TSPAN9: variants seen among roughly 807,000 people sequenced by gnomAD.
TSPAN9 encodes the protein tetraspanin 9.
Under a neutral mutation model 31.0 loss-of-function variants are expected in TSPAN9, and 16 were observed. That is an observed-to-expected ratio of 0.52 (90% CI 0.35 to 0.78). TSPAN9 has a LOEUF of 0.78. Among genes scored for constraint, TSPAN9 ranks in the 30% least tolerant of loss-of-function variants. The pLI, the probability that TSPAN9 is intolerant of heterozygous loss-of-function variation, is 0.01. For synonymous variants in TSPAN9, 145 were observed against 121.6 expected (o/e 1.19, Z -1.27); for missense variants, 272 against 312.5 (o/e 0.87, Z 0.98).
chr12:3,092,027 A>T (rs778056921), intron 2 of TSPAN9, among the ~76,000 whole-genome samples: 1 of 152,222 alleles, frequency 6.6e-6, no homozygotes, highest in African/African-American at 2.4e-5. Context: ...AAAACATGCA[A>T]TGCTGACTGT....
intron 2 of TSPAN9, among the ~76,000 whole-genome samples, chr12:3,193,994 C>T (rs2098365827): frequency 6.6e-6 from 1 of 152,206 alleles, no homozygotes; most frequent in Admixed American, 6.5e-5. Flanking sequence ...CTTGGATAGC[C>T]TGCTTTCCAG....
chr12:3,253,441 A>G (rs1862289765), intron 3 of TSPAN9, among the ~76,000 whole-genome samples: 4 of 152,276 alleles, frequency 2.6e-5, no homozygotes, highest in African/African-American at 9.6e-5. Flanking sequence ...TCATCTGTGA[A>G]TGGGGGTGAC....
intron 3 of TSPAN9, among the ~76,000 whole-genome samples, chr12:3,223,074 A>T (rs563860870): frequency 6.6e-6 from 1 of 152,332 alleles, no homozygotes; most frequent in Non-Finnish European, 1.5e-5. Context: ...ACTCCCCATT[A>T]GCATGCATCA....
chr12:3,251,121 T>C lies in TSPAN9; in HGVS notation c.64-27300T>C, dbSNP rs181937366. On this transcript the variant is annotated intron_variant, in intron 3 of 8. Transcript: ENST00000011898. ...TCTGAAGGATTTCAGTTGGTGACTTTGTGGCACTGTGGGCTACTTAGAAGT... is the reference window on the plus strand; with the variant it reads ...TCTGAAGGATTTCAGTTGGTGACTTCGTGGCACTGTGGGCTACTTAGAAGT... Among the ~76,000 whole-genome samples, 7 of 152,366 alleles carry C rather than the reference T, an allele frequency of 4.6e-5. No homozygotes were observed. In the East Asian group the frequency reaches 1.3e-3, roughly 29 times the overall value.
intron 1 of TSPAN9, among the ~76,000 whole-genome samples, chr12:3,080,759 C>T (rs2098297456): frequency 6.6e-6 from 1 of 152,220 alleles, no homozygotes. Context: ...CTTTAATATT[C>T]TTGAAACAAC....
At chr12:3,160,762 CTTTG>C (rs1415429357) in intron 2 of TSPAN9, among the ~76,000 whole-genome samples, 3 of 152,088 alleles carry the variant, frequency 2.0e-5, no homozygotes, top group South Asian at 2.1e-4. Flanking sequence ...TATTCATATA[CTTTG>C]TTTATTTTAA....
At chr12:3,269,367 TGTTCCTGCAGCCTGCCCTCCGTGC>T (rs1304672137) in intron 3 of TSPAN9, among the ~76,000 whole-genome samples, 907 of 69,720 alleles carry the variant, frequency 0.013, 153 homozygotes, top group South Asian at 0.022. Context: ...GCCCTCCCTG[TGTTCCTGCAGCCTGCCCTCCGTGC>T]GTTCCTGCAG....
chr12:3,214,871 G>A (rs907387835), intron 3 of TSPAN9, among the ~76,000 whole-genome samples: 10 of 151,960 alleles, frequency 6.6e-5, no homozygotes, highest in African/African-American at 1.7e-4. Context: ...TAGGAAGAGC[G>A]TTCTTGTTTC....
intron 3 of TSPAN9, among the ~76,000 whole-genome samples, chr12:3,211,418 G>A (rs1268930962): frequency 1.3e-5 from 2 of 152,002 alleles, no homozygotes; most frequent in Non-Finnish European, 2.9e-5. Flanking sequence ...TTCCTCTTAC[G>A]CTTTTTCAAG....
At chr12:3,191,973 G>C (rs879257153) in intron 2 of TSPAN9, among the ~76,000 whole-genome samples, 13 of 152,188 alleles carry the variant, frequency 8.5e-5, no homozygotes, top group Non-Finnish European at 1.6e-4. Flanking sequence ...ATTCACAAGA[G>C]CTCAGGGGTG....
chr12:3,199,723 G>A (rs975555033), intron 2 of TSPAN9, among the ~76,000 whole-genome samples: 7 of 152,144 alleles, frequency 4.6e-5, no homozygotes, highest in Non-Finnish European at 7.4e-5. Flanking sequence ...CCTTGTGTGC[G>A]CGCCCGTGCG....
intron 3 of TSPAN9, among the ~76,000 whole-genome samples, chr12:3,254,374 A>C (rs948771429): frequency 2.6e-5 from 4 of 152,186 alleles, no homozygotes; most frequent in Non-Finnish European, 5.9e-5. Context: ...AGAGGTGAGA[A>C]GCGAGGGAGA....
intron 2 of TSPAN9, among the ~76,000 whole-genome samples, chr12:3,091,788 A>G (rs2098304809): frequency 1.3e-5 from 2 of 152,210 alleles, no homozygotes; most frequent in Admixed American, 1.3e-4. Context: ...CTGTGAAAGC[A>G]TTCTGCACCT....
chr12:3,269,621 G>A (rs999337488), intron 3 of TSPAN9, among the ~76,000 whole-genome samples: 3 of 151,680 alleles, frequency 2.0e-5, no homozygotes, highest in Non-Finnish European at 1.5e-5. Context: ...CATAGGGATG[G>A]GAGACAGCTG....
chr12:3,250,164 G>A (rs1413207150), intron 3 of TSPAN9, among the ~76,000 whole-genome samples: 1 of 152,090 alleles, frequency 6.6e-6, no homozygotes, highest in Middle Eastern at 3.2e-3. Context: ...TCCCTGGTGA[G>A]TTTATCAAAG....
At chr12:3,276,791 T>C (rs495697) in intron 3 of TSPAN9, among the ~76,000 whole-genome samples, 53,837 of 152,032 alleles carry the variant, frequency 0.35, 9,576 homozygotes, top group Middle Eastern at 0.49. Flanking sequence ...CTCCCCAGCT[T>C]GGAGAACAGG....
At position 3,128,795 on chromosome 12, in the gene TSPAN9, A is replaced by C. The variant is rs567724716; in HGVS notation, c.-18+45076A>C. On this transcript the variant is annotated intron_variant, in intron 2 of 8. Coordinates refer to ENST00000011898, the MANE Select transcript of TSPAN9 (RefSeq NM_006675.5). ...GTGAAATATACGCAACATAAAATTG[A>C]CCATTTCAACCATTTTTAACTGACA... Among the ~76,000 whole-genome samples, 93 of 152,352 alleles carry C rather than the reference A, an allele frequency of 6.1e-4. 1 individual carries two copies. Among genetic ancestry groups the C allele is most frequent in the African/African-American group, 2.1e-3 (88 of 41,584 alleles).
chr12:3,255,871 G>A (rs886839549), intron 3 of TSPAN9, among the ~76,000 whole-genome samples: 12 of 152,198 alleles, frequency 7.9e-5, no homozygotes, highest in African/African-American at 1.9e-4. Flanking sequence ...GACGTAGATC[G>A]TGTGGCAACA....
intron 1 of TSPAN9, among the ~76,000 whole-genome samples, chr12:3,078,141 A>G (rs772405515): frequency 1.3e-5 from 2 of 152,184 alleles, no homozygotes; most frequent in Non-Finnish European, 2.9e-5. Flanking sequence ...TCACTGCTTC[A>G]TCTTCCCCCA....
Sources: gnomAD v4.1 joint callset for allele counts (sites outside exome capture counted in the v4.1 genomes callset) on GRCh38, gnomAD v4.1.1 for gene constraint, MANE v1.5 for transcripts, NCBI Gene and HGNC (gene_info 2026-07-23, HGNC 2026-07-21) for gene names.